The following ADAM10 variants were observed in gnomAD, a reference collection of about 807,000 sequenced individuals.
ADAM10 encodes disintegrin and metalloproteinase domain-containing protein 10.
In ADAM10, 17 loss-of-function variants were observed where a neutral mutation model predicts 90.1. That is an observed-to-expected ratio of 0.19 (90% CI 0.13 to 0.28). The LOEUF is 0.28. Among genes scored for constraint, ADAM10 ranks in the 10% least tolerant of loss-of-function variants. The probability of loss-of-function intolerance (pLI) is 1.00; values close to 1 mark genes in which losing one functional copy is unlikely to be tolerated. For synonymous variants in ADAM10, 310 were observed against 298.6 expected (o/e 1.04, Z -0.40); for missense variants, 610 against 914.3 (o/e 0.67, Z 4.29).
At chr15:58,597,710 T>C in intron 15 of ADAM10, 69 bp from the exon 16 acceptor site, 2 of 1,562,144 alleles carry the variant, frequency 1.3e-6, no homozygotes, top group Admixed American at 1.8e-5. Flanking sequence ...AAAGCAAAGC[T>C]GCTGTTTCAA....
At chr15:58,600,761 AC>A (rs1171159200) in intron 14 of ADAM10, among the ~76,000 whole-genome samples, 2 of 152,212 alleles carry the variant, frequency 1.3e-5, no homozygotes, top group Non-Finnish European at 2.9e-5. Flanking sequence ...TTTTAAGACC[AC>A]ATGTACTAAT....
rs1895766025 is a variant in ADAM10 at position 58,620,992 on chromosome 15, T to C, written c.1511+479A>G. On this transcript the variant is annotated intron_variant, in intron 11 of 15. Transcript: ENST00000260408. ...CAAGAATATGTATTTTTTAGGATTCTTTTTAGTATGTCCTTTGAGTATGTC... is the reference window on the plus strand; with the variant it reads ...CAAGAATATGTATTTTTTAGGATTCCTTTTAGTATGTCCTTTGAGTATGTC... 2.0e-5 allele frequency among the ~76,000 whole-genome samples: 3 copies of C among 152,044 alleles called. No individual in the cohort carries two copies. In the South Asian group the frequency reaches 6.2e-4, roughly 32 times the overall value.
chr15:58,597,657 A>C lies in ADAM10; in HGVS notation c.2153-16T>G. 1 of 1,613,784 alleles carries C rather than the reference A, an allele frequency of 6.2e-7. No individual in the cohort carries two copies. Among genetic ancestry groups the C allele is most frequent in the Non-Finnish European group, 8.5e-7 (1 of 1,179,926 alleles). ...TTTAAAGTGCCTGTGAGCCACAAATAAAAGCAAAGCAGATTTATTTATCAT... is the reference window on the plus strand; with the variant it reads ...TTTAAAGTGCCTGTGAGCCACAAATCAAAGCAAAGCAGATTTATTTATCAT... On this transcript the variant is annotated splice_polypyrimidine_tract_variant and intron_variant, in intron 15 of 15. Coordinates refer to ENST00000260408, the MANE Select transcript of ADAM10 (RefSeq NM_001110.4).
chr15:58,734,509 G>A (rs1455674381), intron 1 of ADAM10, among the ~76,000 whole-genome samples: 5 of 152,052 alleles, frequency 3.3e-5, no homozygotes, highest in African/African-American at 9.7e-5. Flanking sequence ...AAGACAGCCT[G>A]GGCAAGATGG....
intron 5 of ADAM10, among the ~76,000 whole-genome samples, chr15:58,646,671 T>C (rs1002759587): frequency 3.7e-4 from 56 of 152,242 alleles, no homozygotes; most frequent in Non-Finnish European, 4.4e-5. Context: ...TAGCCACTAA[T>C]GGCCTTACAT....
chr15:58,611,411 T>C (rs948817450), intron 12 of ADAM10: 2 of 344,314 alleles, frequency 5.8e-6, no homozygotes, highest in Non-Finnish European at 1.1e-5. Context: ...GGCTCTTCTA[T>C]AAAGAAAGAA....
chr15:58,690,831 T>C (rs1365491342), intron 2 of ADAM10, among the ~76,000 whole-genome samples: 7 of 152,304 alleles, frequency 4.6e-5, no homozygotes, highest in African/African-American at 1.2e-4. Context: ...TCTTCATCAA[T>C]AGCTAACCTA....
chr15:58,730,976 G>A (rs1306115657), intron 1 of ADAM10, among the ~76,000 whole-genome samples: 1 of 152,170 alleles, frequency 6.6e-6, no homozygotes. Flanking sequence ...GCATCCTAGG[G>A]TCTCCAGCTT....
At chr15:58,730,480 A>C (rs773391377) in intron 1 of ADAM10, among the ~76,000 whole-genome samples, 1 of 151,388 alleles carries the variant, frequency 6.6e-6, no homozygotes, top group Non-Finnish European at 1.5e-5. Context: ...AGTCACTTAA[A>C]CACTTAGTTT....
intron 5 of ADAM10, among the ~76,000 whole-genome samples, chr15:58,659,583 T>C (rs1279922532): frequency 1.3e-5 from 2 of 152,164 alleles, no homozygotes; most frequent in Non-Finnish European, 2.9e-5. Context: ...TGTTTTTTTA[T>C]ATATATTGCT....
intron 4 of ADAM10, among the ~76,000 whole-genome samples, chr15:58,669,598 C>G (rs1308017465): frequency 6.6e-6 from 1 of 152,116 alleles, no homozygotes; most frequent in African/African-American, 2.4e-5. Context: ...GGCAACAGAG[C>G]AAGATTTTTT....
chr15:58,629,721 T>C (rs1437659583), intron 9 of ADAM10, among the ~76,000 whole-genome samples: 1 of 152,216 alleles, frequency 6.6e-6, no homozygotes, highest in Non-Finnish European at 1.5e-5. Flanking sequence ...ATCTGACTTA[T>C]ATCTAGCTGT....
At chr15:58,679,591 G>T (rs1265639174) in intron 3 of ADAM10, among the ~76,000 whole-genome samples, 4 of 152,120 alleles carry the variant, frequency 2.6e-5, no homozygotes, top group African/African-American at 9.7e-5. Flanking sequence ...TGCCTAGCAT[G>T]TATGCAGTAG....
At chr15:58,708,306 G>T (rs1277173567) in intron 2 of ADAM10, among the ~76,000 whole-genome samples, 1 of 151,992 alleles carries the variant, frequency 6.6e-6, no homozygotes, top group Non-Finnish European at 1.5e-5. Context: ...CCTTGCTTAG[G>T]ATATATAAGG....
chr15:58,685,804 T>C (rs1351900323), intron 2 of ADAM10, among the ~76,000 whole-genome samples: 2 of 151,856 alleles, frequency 1.3e-5, no homozygotes, highest in African/African-American at 4.8e-5. Context: ...ATATTTCTTA[T>C]TCAAAAAATA....
intron 2 of ADAM10, among the ~76,000 whole-genome samples, chr15:58,713,140 G>A (rs938994107): frequency 6.6e-6 from 1 of 152,012 alleles, no homozygotes; most frequent in Non-Finnish European, 1.5e-5. Context: ...CACTCTTGTC[G>A]CCCAAGCTGG....
chr15:58,726,361 T>TC (rs1448566638), intron 1 of ADAM10, among the ~76,000 whole-genome samples: 1 of 151,842 alleles, frequency 6.6e-6, no homozygotes, highest in Non-Finnish European at 1.5e-5. Context: ...AGCGAGGAGT[T>TC]CGAGACCAGC....
intron 4 of ADAM10, chr15:58,676,085 G>C (rs1897298196): frequency 3.5e-6 from 1 of 283,798 alleles, no homozygotes; most frequent in South Asian, 3.2e-5. Context: ...ATATATTAAG[G>C]AGAGAGTTTG....
intron 4 of ADAM10, among the ~76,000 whole-genome samples, chr15:58,673,118 T>C (rs756930553): frequency 6.6e-6 from 1 of 152,088 alleles, no homozygotes; most frequent in African/African-American, 2.4e-5. Context: ...AGTCAGTTGA[T>C]GAGAGAGCAT....
Sources: allele counts gnomAD v4.1 joint callset (sites outside exome capture counted in the v4.1 genomes callset), GRCh38; gene constraint gnomAD v4.1.1; transcripts MANE v1.5; gene names NCBI Gene and HGNC (gene_info 2026-07-23, HGNC 2026-07-21).